Variants in SYN3 observed in about 807,000 individuals in gnomAD.
SYN3 encodes the protein synapsin-3.
Under a neutral mutation model 65.8 loss-of-function variants are expected in SYN3, and 35 were observed. The ratio of observed to expected loss-of-function variants is 0.53; its 90% CI spans 0.41 to 0.70. SYN3 has a LOEUF of 0.70. Ranked by LOEUF, SYN3 falls within the 30% of genes least tolerant of loss-of-function variation. The pLI is 0.00. For synonymous variants in SYN3, 270 were observed against 292.9 expected, an observed-to-expected ratio of 0.92 and a Z score of 0.80; for missense variants, 680 against 749.0, an observed-to-expected ratio of 0.91 and a Z score of 1.08.
chr22:32,644,296 T>C (rs1427928611), intron 6 of SYN3, among the ~76,000 whole-genome samples: 1 of 151,932 alleles, frequency 6.6e-6, no homozygotes, highest in African/African-American at 2.4e-5. Flanking sequence ...ACGAGACATA[T>C]AAGCAGATAG....
chr22:32,600,372 T>C (rs568885781), intron 6 of SYN3, among the ~76,000 whole-genome samples: 7 of 152,098 alleles, frequency 4.6e-5, no homozygotes, highest in East Asian at 1.9e-4. Flanking sequence ...TGATGCAGAG[T>C]GGCTGTAAAT....
At chr22:32,871,839 G>C (rs955965996) in intron 4 of SYN3, among the ~76,000 whole-genome samples, 2 of 151,822 alleles carry the variant, frequency 1.3e-5, no homozygotes, top group Non-Finnish European at 2.9e-5. Context: ...TGTTACCCAG[G>C]TTGGTCTTGA....
chr22:32,623,557 A>G (rs1038121479), intron 6 of SYN3, among the ~76,000 whole-genome samples: 9 of 152,196 alleles, frequency 5.9e-5, no homozygotes, highest in Non-Finnish European at 1.2e-4. Context: ...CCATAACCCC[A>G]ACCTGCCTGC....
chr22:32,569,569 C>G (rs199521629), intron 7 of SYN3, among the ~76,000 whole-genome samples: 7 of 76,478 alleles, frequency 9.2e-5, no homozygotes, highest in African/African-American at 3.1e-4. Flanking sequence ...CTCTCTCTCT[C>G]TCTATATATA....
In SYN3 at chr22:32,512,315, C is replaced by T. The variant is rs577671413; in HGVS notation, c.*1377G>A. Among the ~76,000 whole-genome samples the T allele has an allele frequency of 2.3e-4, 35 of 152,228 alleles. No homozygotes were observed. Among genetic ancestry groups the T allele is most frequent in the African/African-American group, 4.8e-4 (20 of 41,524 alleles). ...CAAAAGGAAGACATGTCTCATGTTGCGAAGTGGGAGGCAAGGGGCTAACAT... is the reference window on the plus strand; with the variant it reads ...CAAAAGGAAGACATGTCTCATGTTGTGAAGTGGGAGGCAAGGGGCTAACAT... On this transcript the variant is annotated 3_prime_UTR_variant, in exon 14 of 14. Coordinates refer to ENST00000358763, the MANE Select transcript of SYN3 (RefSeq NM_003490.4).
intron 10 of SYN3, 82 bp from the exon 11 acceptor site, chr22:32,529,090 C>T: frequency 2.5e-6 from 4 of 1,573,228 alleles, no homozygotes; most frequent in Non-Finnish European, 2.6e-6. Flanking sequence ...AGTGGGGGCT[C>T]AGGGCTCAGG....
chr22:32,563,708 T>C (rs767612239), intron 7 of SYN3, among the ~76,000 whole-genome samples: 9 of 152,092 alleles, frequency 5.9e-5, no homozygotes, highest in Non-Finnish European at 1.3e-4. Flanking sequence ...CTCACTCTGT[T>C]ACCCAGGCTG....
At position 32,665,942 on chromosome 22, in the gene SYN3, C is replaced by T. The variant is rs540397952; in HGVS notation, c.712-69206G>A. Among the ~76,000 whole-genome samples the T allele has an allele frequency of 1.8e-3, 280 of 152,266 alleles. 1 individual carries two copies. The highest frequency in any genetic ancestry group is 1.0e-2 in the South Asian group (48 of 4,812). ...TTGACATCTGCACTCTGATGTCCAA[C>T]GAAATCACACACTATATCTGTAACT... On this transcript the variant is annotated intron_variant, in intron 6 of 13. Coordinates refer to ENST00000358763, the MANE Select transcript of SYN3 (RefSeq NM_003490.4).
At chr22:32,675,656 A>G (rs2147085116) in intron 6 of SYN3, among the ~76,000 whole-genome samples, 1 of 152,300 alleles carries the variant, frequency 6.6e-6, no homozygotes, top group East Asian at 1.9e-4. Context: ...GGAAGTTACT[A>G]TGGAATCTGA....
intron 6 of SYN3, among the ~76,000 whole-genome samples, chr22:32,736,215 G>A (rs1355428991): frequency 1.3e-5 from 2 of 152,208 alleles, no homozygotes; most frequent in African/African-American, 2.4e-5. Flanking sequence ...TCAAGAGATA[G>A]AACATTTCTA....
chr22:32,947,336 G>T (rs1008295969), intron 3 of SYN3: 3 of 152,130 alleles, frequency 2.0e-5, no homozygotes, highest in Non-Finnish European at 2.9e-5. Flanking sequence ...AGCCAAGTAG[G>T]AATATTTTTT....
At chr22:32,944,424 C>G (rs1458334208) in intron 3 of SYN3, among the ~76,000 whole-genome samples, 1 of 152,152 alleles carries the variant, frequency 6.6e-6, no homozygotes, top group Non-Finnish European at 1.5e-5. Context: ...AGCATATAAA[C>G]AGAACCAAAG....
rs987967115 is a variant in SYN3, at chr22:32,599,385, G to A, written c.712-2649C>T. Among the ~76,000 whole-genome samples, 11 of 151,240 alleles carry A rather than the reference G, an allele frequency of 7.3e-5. No homozygotes were observed. In the South Asian group the frequency reaches 2.3e-3, roughly 32 times the overall value. On this transcript the variant is annotated intron_variant, in intron 6 of 13. Coordinates refer to ENST00000358763, the MANE Select transcript of SYN3 (RefSeq NM_003490.4). The stretch of plus-strand genomic sequence containing the variant: ...CGCTCAGGCTGGAGTGCAGTGGTGC[G>A]ATCTCGGCTCAGTGCAAGCTCCGCC...
chr22:32,977,697 T>C (rs966299413), intron 3 of SYN3, among the ~76,000 whole-genome samples: 1 of 150,520 alleles, frequency 6.6e-6, no homozygotes, highest in Non-Finnish European at 1.5e-5. Context: ...TGAGCCGAGA[T>C]TGCGCCACTG....
chr22:33,001,660 T>C (rs1374954028), intron 2 of SYN3, among the ~76,000 whole-genome samples: 6 of 152,240 alleles, frequency 3.9e-5, no homozygotes, highest in Admixed American at 1.3e-4. Context: ...TATACACTTA[T>C]GCAGTACTTA....
chr22:32,885,834 T>C (rs556513934), intron 4 of SYN3, among the ~76,000 whole-genome samples: 3 of 152,260 alleles, frequency 2.0e-5, no homozygotes, highest in African/African-American at 7.2e-5. Context: ...GTGCTGGGAT[T>C]ACAGGCATGA....
chr22:32,780,101 A>G (rs2046002736), intron 6 of SYN3, among the ~76,000 whole-genome samples: 1 of 150,516 alleles, frequency 6.6e-6, no homozygotes, highest in Non-Finnish European at 1.5e-5. Flanking sequence ...AAAGAGAAAA[A>G]AAACAGAAAT....
At chr22:32,873,267 A>G (rs1036304744) in intron 4 of SYN3, among the ~76,000 whole-genome samples, 6 of 148,186 alleles carry the variant, frequency 4.0e-5, no homozygotes, top group African/African-American at 1.5e-4. Flanking sequence ...TGTTAAATTA[A>G]CAAAGGAGGG....
rs1569244935 is a variant in SYN3 at position 32,814,170 on chromosome 22, GAGAAAGAAAGAAAAGAA to G, written c.711+50728_711+50744del. On this transcript the variant is annotated intron_variant, in intron 6 of 13. Coordinates refer to ENST00000358763, the MANE Select transcript of SYN3 (RefSeq NM_003490.4). ...AGAGAGAGAGAGAGAGAGAGAGAAA[GAGAAAGAAAGAAAAGAA>G]AGAAAGAAAGAAAGAAAGAAAACAA... is the stretch of plus-strand genomic sequence containing the variant. Among the ~76,000 whole-genome samples, 772 of 84,046 alleles carry G rather than the reference GAGAAAGAAAGAAAAGAA, an allele frequency of 9.2e-3. 11 individuals carry two copies. Among genetic ancestry groups the G allele is most frequent in the African/African-American group, 0.033 (664 of 20,350 alleles). The allele number at this position is 84,046 out of a possible 152,430, so 55.1% of individuals were successfully genotyped here.
Sources: allele counts gnomAD v4.1 joint callset (sites outside exome capture counted in the v4.1 genomes callset), GRCh38; gene constraint gnomAD v4.1.1; transcripts MANE v1.5; gene names NCBI Gene and HGNC (gene_info 2026-07-23, HGNC 2026-07-21).